The following NTN4 variants were observed in gnomAD, a reference collection of about 807,000 sequenced individuals.
The protein encoded by NTN4 is netrin 4, also known as netrin-4.
In NTN4, 32 loss-of-function variants were observed where a neutral mutation model predicts 73.6. That is an observed-to-expected ratio of 0.44 (90% CI 0.33 to 0.58). The LOEUF (loss-of-function observed/expected upper bound fraction) is 0.58, where lower values mean the gene tolerates loss of function less well. Ranked by LOEUF, NTN4 falls within the 20% of genes least tolerant of loss-of-function variation. NTN4 has a pLI of 0.04. For synonymous variants in NTN4, 258 were observed against 287.5 expected, an observed-to-expected ratio of 0.90 and a Z score of 1.04; for missense variants, 654 against 798.3, an observed-to-expected ratio of 0.82 and a Z score of 2.18.
chr12:95,741,423 T>TA (rs1168634564), intron 2 of NTN4, among the ~76,000 whole-genome samples: 13 of 82,506 alleles, frequency 1.6e-4, no homozygotes, highest in African/African-American at 5.3e-4. Flanking sequence ...AAATTATGTA[T>TA]AAATTATATA....
chr12:95,771,419 A>T (rs2079058485), intron 2 of NTN4, among the ~76,000 whole-genome samples: 1 of 152,226 alleles, frequency 6.6e-6, no homozygotes, highest in Non-Finnish European at 1.5e-5. Flanking sequence ...ATATTAATAT[A>T]TTCAATACTA....
At position 95,738,125 on chromosome 12, in the gene NTN4, G is replaced by T; in HGVS notation, c.605C>A (p.Ser202Ter). Reference sequence around the variant, plus strand: ...AGGGTTCTCTGTATCGTATGGTGGTGACAAAGCTTTGAAAATAACCTGTAA... The same window carrying T: ...AGGGTTCTCTGTATCGTATGGTGGTTACAAAGCTTTGAAAATAACCTGTAA... ...TGGEVIFKAL[S>*]PPYDTENPYS... is the part of the protein sequence containing the mutation. The change falls in exon 3 of 10, where the codon TCA becomes TAA. Residue 202 changes from serine (S) to a stop codon, truncating the protein, a stop_gained. Coordinates refer to ENST00000343702, the MANE Select transcript of NTN4 (RefSeq NM_021229.4). LOFTEE classifies it high-confidence loss of function. The T allele has an allele frequency of 1.2e-6, 2 of 1,613,028 alleles. No individual in the cohort carries two copies. Among genetic ancestry groups the T allele is most frequent in the South Asian group, 2.2e-5 (2 of 90,918 alleles).
intron 7 of NTN4, chr12:95,672,751 C>A: frequency 1.5e-6 from 2 of 1,369,980 alleles, no homozygotes; most frequent in Non-Finnish European, 2.1e-6. Flanking sequence ...AGATGATCAG[C>A]TATCCTCCTG....
intron 2 of NTN4, among the ~76,000 whole-genome samples, chr12:95,779,954 G>A (rs2079120752): frequency 6.6e-6 from 1 of 152,232 alleles, no homozygotes; most frequent in East Asian, 1.9e-4. Flanking sequence ...AAACAGAGAT[G>A]TAGACCAATG....
In NTN4 at chr12:95,756,776, C is replaced by T. The variant is rs1040094606; in HGVS notation, c.586-18632G>A. Among the ~76,000 whole-genome samples, 10 of 151,952 alleles carry T rather than the reference C, an allele frequency of 6.6e-5. 1 individual carries two copies. The highest frequency in any genetic ancestry group is 2.0e-4 in the Admixed American group (3 of 15,250). On this transcript the variant is annotated intron_variant, in intron 2 of 9. Transcript: ENST00000343702. ...ACCCAACTTTATACTCCAGCCATAC[C>T]GAGAACCCCTTTCTGTTCCTGGAAA...
At chr12:95,709,052 AT>A (rs1330853073) in intron 5 of NTN4, among the ~76,000 whole-genome samples, 1 of 152,218 alleles carries the variant, frequency 6.6e-6, no homozygotes, top group Non-Finnish European at 1.5e-5. Flanking sequence ...TTTATCTGCC[AT>A]TATTTAAGAG....
At chr12:95,749,393 C>T (rs1043765604) in intron 2 of NTN4, among the ~76,000 whole-genome samples, 9 of 152,288 alleles carry the variant, frequency 5.9e-5, no homozygotes, top group Admixed American at 2.6e-4. Context: ...GTCCTCAGAC[C>T]GACCAGCCCA....
At chr12:95,695,947 C>A (rs2078438261) in intron 5 of NTN4, among the ~76,000 whole-genome samples, 1 of 129,770 alleles carries the variant, frequency 7.7e-6, no homozygotes, top group African/African-American at 2.7e-5. Context: ...TCTTTTCTTT[C>A]TTTCCCTCCC....
chr12:95,776,516 A>G (rs182873606), intron 2 of NTN4, among the ~76,000 whole-genome samples: 394 of 152,368 alleles, frequency 2.6e-3, no homozygotes, highest in Non-Finnish European at 4.2e-3. Flanking sequence ...TGACACATGC[A>G]TAAGCTTCAG....
At position 95,722,973 on chromosome 12, in the gene NTN4, C is replaced by CAAAAA. The variant is rs71087998; in HGVS notation, c.865-9640_865-9636dup. ...TGGGTGACAGAGTGAGACTCTGTCTCAAAAAAAAAAAAAAAAAAAAAAAAA... is the reference window on the plus strand; with the variant it reads ...TGGGTGACAGAGTGAGACTCTGTCTCAAAAAAAAAAAAAAAAAAAAAAAAAAAAAA... On this transcript the variant is annotated intron_variant, in intron 3 of 9. Coordinates refer to ENST00000343702, the MANE Select transcript of NTN4 (RefSeq NM_021229.4). 4.8e-3 allele frequency among the ~76,000 whole-genome samples: 268 copies of CAAAAA among 55,326 alleles called. 25 individuals are homozygous for CAAAAA. The highest frequency in any genetic ancestry group is 9.1e-3 in the African/African-American group (130 of 14,360). 36.3% of individuals were successfully genotyped at this position (55,326 alleles called of 152,430 possible).
In NTN4 at chr12:95,658,947, T is replaced by G; in HGVS notation, c.*139A>C. ...AAACATGGGTCCAGAAGAGATAAGT[T>G]AGATAAGACCCATGCATTCAAACAT... is the stretch of plus-strand genomic sequence containing the variant. On this transcript the variant is annotated 3_prime_UTR_variant, in exon 10 of 10. Transcript: ENST00000343702. 2.8e-6 allele frequency: 2 copies of G among 712,750 alleles called. No individual in the cohort carries two copies. The highest frequency in any genetic ancestry group is 4.6e-6 in the Non-Finnish European group (2 of 436,288). 44.2% of individuals were successfully genotyped at this position (712,750 alleles called of 1,614,324 possible). A position where few individuals can be genotyped will look rare whatever the true frequency, so the allele number is the denominator to read the frequency against.
intron 2 of NTN4, among the ~76,000 whole-genome samples, chr12:95,765,688 C>G (rs1025455617): frequency 6.6e-6 from 1 of 151,906 alleles, no homozygotes; most frequent in Non-Finnish European, 1.5e-5. Context: ...ACAGGATGAA[C>G]TGGCCCCAAA....
intron 2 of NTN4, among the ~76,000 whole-genome samples, chr12:95,739,647 A>G (rs1195186755): frequency 6.6e-6 from 1 of 152,192 alleles, no homozygotes; most frequent in Non-Finnish European, 1.5e-5. Context: ...GCTCTAAATG[A>G]TATCAGTAAA....
intron 2 of NTN4, among the ~76,000 whole-genome samples, chr12:95,762,490 G>A (rs1408504390): frequency 6.6e-6 from 1 of 152,200 alleles, no homozygotes; most frequent in Non-Finnish European, 1.5e-5. Flanking sequence ...TGAAGTATGA[G>A]GATTAGTTGC....
chr12:95,713,438 A>G, intron 3 of NTN4, 100 bp from the exon 4 acceptor site: 1 of 1,333,680 alleles, frequency 7.5e-7, no homozygotes, highest in Non-Finnish European at 1.0e-6. Flanking sequence ...CTTTAGTCAT[A>G]AGATGTTCAT....
intron 2 of NTN4, among the ~76,000 whole-genome samples, chr12:95,776,381 C>A (rs1056082924): frequency 1.3e-5 from 2 of 152,148 alleles, no homozygotes; most frequent in Admixed American, 6.5e-5. Flanking sequence ...GGAGGAAGTT[C>A]GAACCCATCG....
chr12:95,683,370 A>C (rs1293203065), intron 6 of NTN4, 128 bp downstream of exon 6: 17 of 898,530 alleles, frequency 1.9e-5, no homozygotes, highest in Non-Finnish European at 2.0e-5. Context: ...CCTGACAAAA[A>C]TTCTTTAAAA....
At chr12:95,786,335 A>G (rs1029815468) in intron 2 of NTN4, among the ~76,000 whole-genome samples, 2 of 152,188 alleles carry the variant, frequency 1.3e-5, no homozygotes, top group Admixed American at 1.3e-4. Context: ...TAAAGAGAAA[A>G]CATTCCACAT....
chr12:95,734,532 G>A (rs1006944095), intron 3 of NTN4, among the ~76,000 whole-genome samples: 1 of 152,164 alleles, frequency 6.6e-6, no homozygotes, highest in African/African-American at 2.4e-5. Context: ...CCTATGATAA[G>A]CTGACCTGCA....
Sources: allele counts gnomAD v4.1 joint callset (sites outside exome capture counted in the v4.1 genomes callset), GRCh38; gene constraint gnomAD v4.1.1; transcripts MANE v1.5; gene names NCBI Gene and HGNC (gene_info 2026-07-23, HGNC 2026-07-21).